The following TRPM3 variants were observed in gnomAD, a reference collection of about 807,000 sequenced individuals.
TRPM3 encodes long transient receptor potential channel 3.
A neutral mutation model predicts 181.2 loss-of-function variants in TRPM3; 77 were observed. The ratio of observed to expected loss-of-function variants is 0.42; its 90% confidence interval spans 0.35 to 0.51. The LOEUF (loss-of-function observed/expected upper bound fraction) is 0.51, where lower values mean the gene tolerates loss of function less well. TRPM3 is among the 20% of genes least tolerant of loss of function. The pLI is 0.01. For synonymous variants in TRPM3, 745 were observed against 796.4 expected, an observed-to-expected ratio of 0.94 and a Z score of 1.09; for missense variants, 1,759 against 2,196.7, an observed-to-expected ratio of 0.80 and a Z score of 3.98.
In TRPM3 at chr9:70,531,608, G is replaced by C. The variant is rs2040881639; in HGVS notation, c.*4345C>G. ...CAAATATATAACCACCTACACACTA[G>C]TATCACTTTATCTAGAAACAACATA... is the stretch of plus-strand genomic sequence containing the variant. On this transcript the variant is annotated 3_prime_UTR_variant, in exon 26 of 26. Transcript: ENST00000677713. The C allele has an allele frequency of 6.6e-6, 1 of 152,118 alleles. No homozygotes were observed. Among genetic ancestry groups the C allele is most frequent in the Non-Finnish European group, 1.5e-5 (1 of 68,010 alleles). 9.4% of individuals were successfully genotyped at this position (152,118 alleles called of 1,614,324 possible).
chr9:71,098,490 T>TA (rs949853614), intron 1 of TRPM3, among the ~76,000 whole-genome samples: 3 of 152,176 alleles, frequency 2.0e-5, no homozygotes, highest in African/African-American at 7.2e-5. Context: ...TCGCAATTTA[T>TA]ACAATGCTAG....
intron 1 of TRPM3, among the ~76,000 whole-genome samples, chr9:70,880,588 AC>A (rs996036871): frequency 6.6e-6 from 1 of 152,074 alleles, no homozygotes; most frequent in African/African-American, 2.4e-5. Context: ...AGTTGTGTGC[AC>A]CCTGGCCAGG....
chr9:71,115,744 C>T (rs1449980870), intron 1 of TRPM3, among the ~76,000 whole-genome samples: 1 of 152,166 alleles, frequency 6.6e-6, no homozygotes, highest in African/African-American at 2.4e-5. Context: ...CCTCACTCCC[C>T]AGTGACCACA....
upstream of TRPM3, among the ~76,000 whole-genome samples, chr9:71,125,366 GC>G (rs955174382): frequency 2.6e-5 from 4 of 152,092 alleles, no homozygotes; most frequent in African/African-American, 7.2e-5. Context: ...CCTGCAACAG[GC>G]CCCCGTATGT....
At chr9:70,803,855 C>T (rs2089976676) in intron 6 of TRPM3, among the ~76,000 whole-genome samples, 1 of 152,106 alleles carries the variant, frequency 6.6e-6, no homozygotes, top group Non-Finnish European at 1.5e-5. Flanking sequence ...GGTCTTTCTA[C>T]CCTCCTCACT....
In TRPM3 at chr9:70,615,955, G is replaced by T; in HGVS notation, c.2479C>A (p.Pro827Thr). 1 of 1,612,676 alleles carries T rather than the reference G, an allele frequency of 6.2e-7. No homozygotes were observed. Among genetic ancestry groups the T allele is most frequent in the Non-Finnish European group, 8.5e-7 (1 of 1,179,390 alleles). Residue 827 changes from proline (P) to threonine (T), a missense_variant, in exon 18 of 26, where the codon CCA (proline) becomes ACA (threonine). Transcript: ENST00000677713. ...IHLQEKEAEE[P>T]EKPTKEKEEE... ...TCTTTTTCCTTTGTGGGCTTCTCTG[G>T]TTCTTCTGCCTCCTTCTCTTGGAGG...
At chr9:70,669,956 C>T (rs1401638540) in intron 9 of TRPM3, among the ~76,000 whole-genome samples, 1 of 152,066 alleles carries the variant, frequency 6.6e-6, no homozygotes, top group East Asian at 1.9e-4. Flanking sequence ...AGGCTGGTCT[C>T]AAAATGCTTG....
intron 1 of TRPM3, among the ~76,000 whole-genome samples, chr9:71,155,024 A>G (rs764080379): frequency 2.6e-5 from 4 of 152,194 alleles, no homozygotes; most frequent in Non-Finnish European, 5.9e-5. Context: ...ATTAATGGAA[A>G]ACATAGTATT....
At chr9:70,844,875 G>A (rs1039243528) in intron 4 of TRPM3, among the ~76,000 whole-genome samples, 55 of 152,174 alleles carry the variant, frequency 3.6e-4, no homozygotes, top group African/African-American at 1.3e-3. Context: ...GTCTCTATGT[G>A]ACAGGAATGC....
intron 1 of TRPM3, among the ~76,000 whole-genome samples, chr9:71,242,498 G>A (rs190409666): frequency 6.6e-5 from 10 of 152,216 alleles, no homozygotes; most frequent in Non-Finnish European, 1.5e-4. Context: ...ATGCAAAAAC[G>A]CAAGTTGGCT....
At chr9:70,596,165 C>T (rs549766104) in intron 21 of TRPM3, among the ~76,000 whole-genome samples, 1 of 152,166 alleles carries the variant, frequency 6.6e-6, no homozygotes, top group East Asian at 1.9e-4. Flanking sequence ...ACAACAATAA[C>T]CCTATAAGAT....
intron 1 of TRPM3, among the ~76,000 whole-genome samples, chr9:71,355,296 G>A (rs534381136): frequency 8.8e-4 from 134 of 152,288 alleles, no homozygotes; most frequent in African/African-American, 3.1e-3. Context: ...ATTAGAGTGA[G>A]CACTAACCCA....
intron 8 of TRPM3, among the ~76,000 whole-genome samples, chr9:70,685,840 T>C (rs2134320054): frequency 6.6e-6 from 1 of 152,040 alleles, no homozygotes; most frequent in African/African-American, 2.4e-5. Flanking sequence ...TATTCTTTCT[T>C]GTTTTCTAAT....
intron 1 of TRPM3, among the ~76,000 whole-genome samples, chr9:71,208,503 G>A (rs1565343239): frequency 6.6e-6 from 1 of 152,108 alleles, no homozygotes; most frequent in Non-Finnish European, 1.5e-5. Context: ...GTATTCTTAA[G>A]AATAAACAGT....
At chr9:71,344,222 G>A (rs2091152823) in intron 1 of TRPM3, among the ~76,000 whole-genome samples, 1 of 152,098 alleles carries the variant, frequency 6.6e-6, no homozygotes, top group African/African-American at 2.4e-5. Flanking sequence ...GGCTGAGGAG[G>A]ATAGATTACC....
At chr9:71,228,493 A>G (rs369528776) in intron 1 of TRPM3, among the ~76,000 whole-genome samples, 19 of 152,308 alleles carry the variant, frequency 1.2e-4, no homozygotes, top group African/African-American at 2.9e-4. Flanking sequence ...GACAAGAGAA[A>G]GAAATAAAGG....
chr9:70,946,533 C>G (rs1157972822), intron 1 of TRPM3, among the ~76,000 whole-genome samples: 1 of 152,022 alleles, frequency 6.6e-6, no homozygotes, highest in South Asian at 2.1e-4. Flanking sequence ...AATACTGGTA[C>G]AGTGTGGGCA....
At chr9:70,589,754 T>C (rs2057791477) in intron 22 of TRPM3, among the ~76,000 whole-genome samples, 1 of 152,216 alleles carries the variant, frequency 6.6e-6, no homozygotes, top group African/African-American at 2.4e-5. Context: ...CCAAAAAGTC[T>C]TGATTGCCTT....
intron 6 of TRPM3, among the ~76,000 whole-genome samples, chr9:70,804,580 C>A (rs1269069152): frequency 1.3e-5 from 2 of 152,120 alleles, no homozygotes. Flanking sequence ...CTCCCAGTTT[C>A]TCTGTTACCT....
Sources: gnomAD v4.1 joint callset for allele counts (sites outside exome capture counted in the v4.1 genomes callset) on GRCh38, gnomAD v4.1.1 for gene constraint, MANE v1.5 for transcripts, NCBI Gene and HGNC (gene_info 2026-07-23, HGNC 2026-07-21) for gene names.